HNRNPR: variants seen among roughly 807,000 people sequenced by gnomAD.
The protein encoded by HNRNPR is heterogeneous nuclear ribonucleoprotein R.
A neutral mutation model predicts 70.3 loss-of-function variants in HNRNPR; 4 were observed. The observed-to-expected ratio is 0.06, with a 90% CI of 0.03 to 0.13. The LOEUF is 0.13. Ranked by LOEUF, HNRNPR falls within the 10% of genes least tolerant of loss-of-function variation. The pLI is 1.00. For synonymous variants in HNRNPR, 241 were observed against 267.6 expected (o/e 0.90, Z 0.97); for missense variants, 423 against 788.5 (o/e 0.54, Z 5.55).
intron 7 of HNRNPR, among the ~76,000 whole-genome samples, chr1:23,320,126 T>C (rs886466203): frequency 6.6e-6 from 1 of 152,176 alleles, no homozygotes; most frequent in Admixed American, 6.6e-5. Context: ...CATCAGTGTA[T>C]CCCAGGCACA....
chr1:23,343,446 G>C (rs1646779433), intron 1 of HNRNPR, among the ~76,000 whole-genome samples: 1 of 152,204 alleles, frequency 6.6e-6, no homozygotes, highest in Non-Finnish European at 1.5e-5. Flanking sequence ...AACAGGTAGT[G>C]TGAAAGGACT....
At chr1:23,336,780 AAAAAAG>A (rs1557931282) in intron 4 of HNRNPR, among the ~76,000 whole-genome samples, 1 of 151,414 alleles carries the variant, frequency 6.6e-6, no homozygotes, top group African/African-American at 2.4e-5. Context: ...AAAAAAAAAA[AAAAAAG>A]AAAAGTATGT....
At chr1:23,323,046 A>G (rs534931298) in intron 6 of HNRNPR, among the ~76,000 whole-genome samples, 1 of 152,336 alleles carries the variant, frequency 6.6e-6, no homozygotes, top group Admixed American at 6.5e-5. Context: ...GGGCCAAGAA[A>G]CATACAGGAA....
intron 1 of HNRNPR, among the ~76,000 whole-genome samples, chr1:23,341,931 G>A (rs899838853): frequency 1.3e-5 from 2 of 152,152 alleles, no homozygotes; most frequent in Non-Finnish European, 2.9e-5. Context: ...TGAAGAGAGA[G>A]AGTAAACAAT....
intron 5 of HNRNPR, 52 bp from the exon 6 acceptor site, chr1:23,323,784 C>T: frequency 3.4e-6 from 5 of 1,489,990 alleles, no homozygotes; most frequent in Non-Finnish European, 4.7e-6. Context: ...GATTTTAGAG[C>T]CATAAAGCCT....
intron 4 of HNRNPR, among the ~76,000 whole-genome samples, chr1:23,336,488 C>T (rs1448642721): frequency 1.4e-5 from 2 of 139,592 alleles, no homozygotes; most frequent in Non-Finnish European, 3.0e-5. Context: ...AGGAGAATGG[C>T]GTGAACCCAG....
chr1:23,318,561 T>A lies in HNRNPR; in HGVS notation c.939A>T (p.Lys313Asn). Residue 313 changes from lysine to asparagine, a missense_variant, in exon 8 of 11, where the codon AAA becomes AAT. Transcript: ENST00000302271. This position sits in a 1 kb window ranked among gnomAD's most constrained non-coding sequence, Gnocchi z 4.2. ...AQARRRLMSG[K>N]VKVWGNVVTV... ...TAACTACATTTCCCCACACTTTTACTTTTCCACTCATCAGCCGGCGTCTGG... is the reference window on the plus strand; with the variant it reads ...TAACTACATTTCCCCACACTTTTACATTTCCACTCATCAGCCGGCGTCTGG... The A allele has an allele frequency of 6.2e-7, 1 of 1,614,188 alleles. No individual in the cohort carries two copies. Among genetic ancestry groups the A allele is most frequent in the East Asian group, 2.2e-5 (1 of 44,886 alleles).
In HNRNPR at chr1:23,337,876, T is replaced by A; in HGVS notation, c.277-15A>T. 1 of 1,468,992 alleles carries A rather than the reference T, an allele frequency of 6.8e-7. No homozygotes were observed. The highest frequency in any genetic ancestry group is 9.4e-7 in the Non-Finnish European group (1 of 1,064,808). The allele number at this position is 1,468,992 out of a possible 1,614,324, so 91.0% of individuals were successfully genotyped here. A position where few individuals can be genotyped will look rare whatever the true frequency, so the allele number is the denominator to read the frequency against. ...GCACTTTTGTTCTAGAACAGACAAG[T>A]AATTCAATAAAAAGAATCACCAAAA... On this transcript the variant is annotated splice_polypyrimidine_tract_variant and intron_variant, in intron 3 of 10. Transcript: ENST00000302271.
Position 23,309,639 on chromosome 1 carries a change from A to C in HNRNPR, c.*815T>G, listed in dbSNP as rs1347166743. 6.6e-6 allele frequency: 1 copy of C among 152,602 alleles called. No individual in the cohort carries two copies. Among genetic ancestry groups the C allele is most frequent in the Non-Finnish European group, 1.5e-5 (1 of 68,010 alleles). 9.5% of individuals were successfully genotyped at this position (152,602 alleles called of 1,614,324 possible). On this transcript the variant is annotated 3_prime_UTR_variant, in exon 11 of 11. Transcript: ENST00000302271. ...TTGAATTTAGACTAATCCTCAGTCT[A>C]ATATCCACAACACATGTTGGAATAA...
chr1:23,310,762 T>C lies in HNRNPR; in HGVS notation c.1594A>G (p.Arg532Gly), dbSNP rs764378966. 5 of 1,613,428 alleles carry C rather than the reference T, an allele frequency of 3.1e-6. 1 individual carries two copies. In the South Asian group the frequency reaches 4.4e-5, roughly 14 times the overall value. ...PPRGRAGYSQ[R>G]GAPLGPPRGS... ...CTTGGTGGTCCCAAAGGTGCCCCCC[T>C]CTGTGAATAGCCAGCTCTACCTCTT... The change falls in exon 11 of 11, where the codon AGG becomes GGG. Residue 532 changes from arginine (R) to glycine (G), a missense_variant. Transcript: ENST00000302271. The surrounding 1 kb of genome is among the most constrained non-coding windows in gnomAD (Gnocchi z 6.0).
At chr1:23,322,635 CTTAATA>C (rs1322684932) in intron 6 of HNRNPR, among the ~76,000 whole-genome samples, 2 of 152,008 alleles carry the variant, frequency 1.3e-5, no homozygotes, top group East Asian at 1.9e-4. Flanking sequence ...AAAATGAAAA[CTTAATA>C]TTAAATAAAC....
chr1:23,333,489 A>G (rs1195806576), intron 5 of HNRNPR, 29 bp downstream of exon 5: 5 of 1,397,018 alleles, frequency 3.6e-6, no homozygotes, highest in Non-Finnish European at 5.1e-6. Flanking sequence ...AACTGGAAAG[A>G]TCTTGGTAAA....
At chr1:23,334,011 C>G (rs1437565151) in intron 4 of HNRNPR, among the ~76,000 whole-genome samples, 1 of 150,908 alleles carries the variant, frequency 6.6e-6, no homozygotes, top group African/African-American at 2.4e-5. Context: ...CCTCCCGGGT[C>G]TAAGAGATTC....
chr1:23,332,603 G>C (rs551871549), intron 5 of HNRNPR, among the ~76,000 whole-genome samples: 1 of 151,506 alleles, frequency 6.6e-6, no homozygotes, highest in Non-Finnish European at 1.5e-5. Context: ...GGGAGGCTGA[G>C]GCAGGAGAAT....
intron 3 of HNRNPR, 65 bp downstream of exon 3, chr1:23,338,425 A>G: frequency 9.2e-6 from 6 of 654,502 alleles, no homozygotes; most frequent in South Asian, 2.8e-5. Flanking sequence ...CATAGGAAAA[A>G]AAGTAATAGT....
At chr1:23,330,130 A>G (rs905616668) in intron 5 of HNRNPR, among the ~76,000 whole-genome samples, 1 of 152,144 alleles carries the variant, frequency 6.6e-6, no homozygotes, top group Admixed American at 6.6e-5. Flanking sequence ...TCAATCTACC[A>G]TTTCTTTTCA....
chr1:23,318,725 A>AT lies in HNRNPR; in HGVS notation c.812-38dup. 1 of 1,602,996 alleles carries AT rather than the reference A, an allele frequency of 6.2e-7. No homozygotes were observed. The highest frequency in any genetic ancestry group is 8.5e-7 in the Non-Finnish European group (1 of 1,171,254). The stretch of plus-strand genomic sequence containing the variant: ...ACAGCCAGATATATAAGCCAAAAGC[A>AT]TCCACCACACATCTAGCGATTAGGC... On this transcript the variant is annotated intron_variant, in intron 7 of 10. Transcript: ENST00000302271. This position sits in a 1 kb window ranked among gnomAD's most constrained non-coding sequence, Gnocchi z 4.2.
At chr1:23,316,042 G>A (rs528319284) in intron 8 of HNRNPR, among the ~76,000 whole-genome samples, 1 of 152,148 alleles carries the variant, frequency 6.6e-6, no homozygotes, top group Non-Finnish European at 1.5e-5. Context: ...TAGGCTTTTA[G>A]GTTATGGTAC....
intron 4 of HNRNPR, among the ~76,000 whole-genome samples, chr1:23,337,053 A>G (rs938130649): frequency 2.0e-5 from 3 of 152,226 alleles, no homozygotes; most frequent in Non-Finnish European, 2.9e-5. Flanking sequence ...AAATAAAGAA[A>G]CTGAGGTAAC....
Sources: allele counts gnomAD v4.1 joint callset (sites outside exome capture counted in the v4.1 genomes callset), GRCh38; gene constraint gnomAD v4.1.1; non-coding constraint Gnocchi (gnomAD v3.1); transcripts MANE v1.5; gene names NCBI Gene and HGNC (gene_info 2026-07-23, HGNC 2026-07-21).